SIGLEC12: variants seen among roughly 807,000 people sequenced by gnomAD.
The protein encoded by SIGLEC12 is sialic acid-binding Ig-like lectin 12.
A neutral mutation model predicts 54.1 loss-of-function variants in SIGLEC12; 43 were observed. The ratio of observed to expected loss-of-function variants is 0.80; its 90% confidence interval spans 0.62 to 1.03. The LOEUF is 1.03. Among genes scored for constraint, SIGLEC12 ranks in the 50% least tolerant of loss-of-function variants. The pLI, the probability that SIGLEC12 is intolerant of heterozygous loss-of-function variation, is 0.00. For synonymous variants in SIGLEC12, 357 were observed against 307.6 expected (o/e 1.16, Z -1.68); for missense variants, 802 against 735.2 (o/e 1.09, Z -1.05).
In SIGLEC12 at chr19:51,499,278, C is replaced by A. The variant is rs113543312; in HGVS notation, c.1088-61G>T. 5.8e-4 allele frequency: 918 copies of A among 1,596,140 alleles called. 3 individuals are homozygous for A. In the African/African-American group the frequency reaches 0.01, roughly 18 times the overall value. On this transcript the variant is annotated intron_variant, in intron 3 of 7. Transcript: ENST00000291707. ...AGGACTGGGGACACTGACCCTGTCTCCCCAGGAGCCCCATAAATGGGGAAG... is the reference window on the plus strand; with the variant it reads ...AGGACTGGGGACACTGACCCTGTCTACCCAGGAGCCCCATAAATGGGGAAG...
chr19:51,493,590 C>T (rs1990159652), intron 7 of SIGLEC12, among the ~76,000 whole-genome samples: 1 of 152,196 alleles, frequency 6.6e-6, no homozygotes, highest in South Asian at 2.1e-4. Flanking sequence ...TTTTCTGCCT[C>T]AATGACTGAC....
chr19:51,497,316 C>T (rs200766075), intron 6 of SIGLEC12, 33 bp downstream of exon 6: 1 of 1,590,858 alleles, frequency 6.3e-7, no homozygotes, highest in Non-Finnish European at 8.6e-7. Context: ...CTGCCCTCCC[C>T]CAAGGCTCTT....
At chr19:51,499,824 A>G (rs1481566286) in intron 2 of SIGLEC12, 96 bp downstream of exon 2, 10 of 1,550,670 alleles carry the variant, frequency 6.4e-6, no homozygotes, top group Non-Finnish European at 7.9e-6. Context: ...GATATGCTTC[A>G]CCTCCAACTC....
At position 51,499,534 on chromosome 19, in the gene SIGLEC12, G is replaced by A; in HGVS notation, c.991C>T (p.Pro331Ser). Residue 331 changes from proline (P) to serine (S), a missense_variant, in exon 3 of 8, where the codon CCA (proline) becomes TCA (serine). Physicochemically the swap from Pro to Ser is moderately conservative, Grantham distance 74. Transcript: ENST00000291707. Reference sequence around the variant, plus strand: ...CTGGTGCCATGGTCCTGGGGCTGTGGGATGAGGCTGAGCATCGAGGAGCGA... The same window carrying A: ...CTGGTGCCATGGTCCTGGGGCTGTGAGATGAGGCTGAGCATCGAGGAGCGA... Reference protein sequence around the residue: ...ITRSSMLSLIPQPQDHGTSLT... With the variant: ...ITRSSMLSLISQPQDHGTSLT... 1.2e-6 allele frequency: 2 copies of A among 1,610,976 alleles called. No homozygotes were observed. Among genetic ancestry groups the A allele is most frequent in the Non-Finnish European group, 1.7e-6 (2 of 1,178,516 alleles).
chr19:51,496,820 C>T, intron 7 of SIGLEC12, 60 bp downstream of exon 7: 1 of 1,582,638 alleles, frequency 6.3e-7, no homozygotes, highest in Admixed American at 1.7e-5. Flanking sequence ...AAGTAATCCC[C>T]TTCCATGCCT....
In SIGLEC12 at chr19:51,500,299, C is replaced by A. The variant is rs200855532; in HGVS notation, c.429G>T (p.Ala143=). 5.0e-6 allele frequency: 8 copies of A among 1,614,060 alleles called. No individual in the cohort carries two copies. The highest frequency in any genetic ancestry group is 1.1e-5 in the South Asian group (1 of 91,084). The change falls in exon 2 of 8, where the codon GCG becomes GCT. Residue 143 remains alanine (A), a splice_region_variant and synonymous_variant. Coordinates refer to ENST00000291707, the MANE Select transcript of SIGLEC12 (RefSeq NM_053003.4). ...TGTATCTTGACAGTAGGTCCTGGGA[C>A]GCTGTGGAGAAACGAGGGTCAGCCC... is the stretch of plus-strand genomic sequence containing the variant. ...KYDQLSVNVT[A]SQDLLSRYRL...
intron 5 of SIGLEC12, 152 bp downstream of exon 5, chr19:51,497,866 A>G (rs1335507947): frequency 7.1e-6 from 8 of 1,131,302 alleles, no homozygotes; most frequent in Admixed American, 5.6e-5. Context: ...CTCCCCTCCA[A>G]GATTAACTCC....
At position 51,499,546 on chromosome 19, in the gene SIGLEC12, G is replaced by T. The variant is rs778382810; in HGVS notation, c.979C>A (p.Leu327Ile). Residue 327 changes from leucine to isoleucine, a missense_variant, in exon 3 of 8, where the codon CTC becomes ATC. Coordinates refer to ENST00000291707, the MANE Select transcript of SIGLEC12 (RefSeq NM_053003.4). ...TCCTGGGGCTGTGGGATGAGGCTGA[G>T]CATCGAGGAGCGAGTGATAGTGGGG... ...LDPTITRSSM[L>I]SLIPQPQDHG... The T allele has an allele frequency of 1.2e-6, 2 of 1,611,100 alleles. No individual in the cohort carries two copies. The highest frequency in any genetic ancestry group is 1.7e-6 in the Non-Finnish European group (2 of 1,178,582).
chr19:51,498,118 T>C lies in SIGLEC12; in HGVS notation c.1305A>G (p.Arg435=), dbSNP rs749157204. ...ATTCCCCTTCATCCTTCACATGCAC[T>C]CGAGGCAGCTCCAGCACCCCAAGGT... ...SSNLGVLELP[R]VHVKDEGEFT... The change falls in exon 5 of 8, where the codon CGA becomes CGG. Residue 435 remains arginine (R), a synonymous_variant. Transcript: ENST00000291707. The C allele has an allele frequency of 1.2e-6, 2 of 1,614,222 alleles. No individual in the cohort carries two copies. The highest frequency in any genetic ancestry group is 8.5e-7 in the Non-Finnish European group (1 of 1,180,040).
rs149053840 is a variant in SIGLEC12, at chr19:51,499,551, G to A, written c.974C>T (p.Ser325Leu). The change falls in exon 3 of 8, where the codon TCG (serine) becomes TTG (leucine). Residue 325 changes from serine to leucine, a missense_variant. Transcript: ENST00000291707. ...SSLDPTITRS[S>L]MLSLIPQPQD... Reference sequence around the variant, plus strand: ...GGGCTGTGGGATGAGGCTGAGCATCGAGGAGCGAGTGATAGTGGGGTCCAG... The same window carrying A: ...GGGCTGTGGGATGAGGCTGAGCATCAAGGAGCGAGTGATAGTGGGGTCCAG... The A allele has an allele frequency of 1.5e-5, 24 of 1,611,306 alleles. No individual in the cohort carries two copies. The highest frequency in any genetic ancestry group is 1.7e-4 in the Middle Eastern group (1 of 6,014).
chr19:51,495,409 G>A lies in SIGLEC12; in HGVS notation c.1599+1471C>T, dbSNP rs189903236. On this transcript the variant is annotated intron_variant, in intron 7 of 7. Transcript: ENST00000291707. ...GATGGATGGATGGATGGGTGGGTGG[G>A]TGGGTGGATGGATGGATGGATGGAT... Among the ~76,000 whole-genome samples the A allele has an allele frequency of 1.5e-3, 131 of 84,886 alleles. 1 individual carries two copies. Among genetic ancestry groups the A allele is most frequent in the African/African-American group, 5.0e-3 (114 of 22,786 alleles). 55.7% of individuals were successfully genotyped at this position (84,886 alleles called of 152,430 possible).
At position 51,499,704 on chromosome 19, in the gene SIGLEC12, A is replaced by G; in HGVS notation, c.821T>C (p.Met274Thr). 1 of 1,614,042 alleles carries G rather than the reference A, an allele frequency of 6.2e-7. No individual in the cohort carries two copies. Among genetic ancestry groups the G allele is most frequent in the Non-Finnish European group, 8.5e-7 (1 of 1,179,964 alleles). The change falls in exon 3 of 8, where the codon ATG becomes ACG. Residue 274 changes from methionine to threonine, a missense_variant. Met to Thr is a moderately conservative substitution (Grantham distance 81). Coordinates refer to ENST00000291707, the MANE Select transcript of SIGLEC12 (RefSeq NM_053003.4). Reference protein sequence around the residue: ...LSVHVTALTHMPTFSIPGTLE... With the variant: ...LSVHVTALTHTPTFSIPGTLE... ...GGTCCCCGGGATGGAGAAGGTGGGC[A>G]TGTGAGTCAGGGCTGGTGATGAAAG... is the stretch of plus-strand genomic sequence containing the variant.
Position 51,491,491 on chromosome 19 carries a change from T to A in SIGLEC12, c.*150A>T. 1 of 740,864 alleles carries A rather than the reference T, an allele frequency of 1.3e-6. No homozygotes were observed. The highest frequency in any genetic ancestry group is 2.2e-6 in the Non-Finnish European group (1 of 452,994). The allele number at this position is 740,864 out of a possible 1,614,324, so 45.9% of individuals were successfully genotyped here. A position where few individuals can be genotyped will look rare whatever the true frequency, so the allele number is the denominator to read the frequency against. ...GATGGAGAAAGGGAGAGTTTGGTCA[T>A]CAGGCACGCATTTTCAGTTTGACAA... On this transcript the variant is annotated 3_prime_UTR_variant, in exon 8 of 8. Transcript: ENST00000291707.
chr19:51,491,706 G>T lies in SIGLEC12; in HGVS notation c.1723C>A (p.Pro575Thr). The T allele has an allele frequency of 6.2e-7, 1 of 1,613,974 alleles. No homozygotes were observed. Among genetic ancestry groups the T allele is most frequent in the South Asian group, 1.1e-5 (1 of 91,074 alleles). Residue 575 changes from proline to threonine, a missense_variant, in exon 8 of 8, where the codon CCT (proline) becomes ACT (threonine). Physicochemically the swap from Pro to Thr is conservative, Grantham distance 38 (BLOSUM62 -1). Coordinates refer to ENST00000291707, the MANE Select transcript of SIGLEC12 (RefSeq NM_053003.4). ...GCCTCCTGTTCCTGTGGGTACTGAG[G>T]CCTCGCTTTGTGGAAGCTGAGGGAT... The part of the protein sequence containing the change: ...YASLSFHKAR[P>T]QYPQEQEAIG...
chr19:51,501,289 T>C lies in SIGLEC12; in HGVS notation c.427+18A>G, dbSNP rs201034811. On this transcript the variant is annotated intron_variant, in intron 1 of 7. Coordinates refer to ENST00000291707, the MANE Select transcript of SIGLEC12 (RefSeq NM_053003.4). ...TCATCACATTTGCCTTTGGCCTCTC[T>C]TGGAGCCCGTGCCTTACCTGTCACA... is the stretch of plus-strand genomic sequence containing the variant. The C allele has an allele frequency of 1.9e-5, 31 of 1,613,114 alleles. No homozygotes were observed. The Admixed American group carries it at 4.8e-4, about 25-fold the overall frequency.
At chr19:51,497,953 T>G (rs1568530409) in intron 5 of SIGLEC12, 65 bp downstream of exon 5, 3 of 1,585,420 alleles carry the variant, frequency 1.9e-6, no homozygotes, top group South Asian at 1.1e-5. Context: ...AAATTCCAGG[T>G]CTCCCAGCTG....
At chr19:51,492,541 G>T (rs571069793) in intron 7 of SIGLEC12, among the ~76,000 whole-genome samples, 1 of 152,310 alleles carries the variant, frequency 6.6e-6, no homozygotes, top group East Asian at 1.9e-4. Context: ...ACCTTACATG[G>T]CTAAAGGGGC....
At chr19:51,496,779 G>T in intron 7 of SIGLEC12, 101 bp downstream of exon 7, 2 of 1,359,582 alleles carry the variant, frequency 1.5e-6, no homozygotes, top group Non-Finnish European at 2.1e-6. Context: ...TGATTTTTCG[G>T]CTGTAGGGGA....
intron 5 of SIGLEC12, 58 bp from the exon 6 acceptor site, chr19:51,497,503 C>T (rs909624279): frequency 1.6e-6 from 2 of 1,284,180 alleles, no homozygotes; most frequent in East Asian, 2.4e-5. Flanking sequence ...GCCTCTTCTC[C>T]TCCCACTGCC....
Sources: gnomAD v4.1 joint callset for allele counts (sites outside exome capture counted in the v4.1 genomes callset) on GRCh38, gnomAD v4.1.1 for gene constraint, MANE v1.5 for transcripts, NCBI Gene and HGNC (gene_info 2026-07-23, HGNC 2026-07-21) for gene names.